Variants in LRCH2 observed in about 807,000 individuals in gnomAD.
LRCH2 encodes the protein leucine rich repeats and calponin homology domain containing 2, also known as leucine-rich repeat and calponin homology domain-containing protein 2.
LRCH2 carries 38 observed loss-of-function variants against 68.9 expected under a neutral mutation model. The ratio of observed to expected loss-of-function variants is 0.55; its 90% CI spans 0.43 to 0.72. LRCH2 has a LOEUF of 0.72. LRCH2 is among the 30% of genes least tolerant of loss of function. The pLI is 0.00. For missense variants in LRCH2, 528 were observed against 572.9 expected, an observed-to-expected ratio of 0.92 and a Z score of 0.80; for synonymous variants, 191 against 208.1, an observed-to-expected ratio of 0.92 and a Z score of 0.71.
intron 1 of LRCH2, among the ~76,000 whole-genome samples, chrX:115,222,997 A>G (rs1164227306): frequency 8.9e-6 from 1 of 112,309 alleles, no homozygotes; most frequent in Non-Finnish European, 1.9e-5. Context: ...ATATAGATCA[A>G]TGAAATACAA....
chrX:115,198,688 A>T (rs957518927), intron 1 of LRCH2: 9 of 143,824 alleles, frequency 6.3e-5, no homozygotes, highest in Admixed American at 3.8e-4. Flanking sequence ...ACCAAGAGGA[A>T]GCGGGAGGAG....
intron 20 of LRCH2, among the ~76,000 whole-genome samples, chrX:115,119,717 T>C (rs2072119048): frequency 1.2e-5 from 1 of 80,661 alleles, no homozygotes; most frequent in South Asian, 8.2e-4. Flanking sequence ...GCCAAGTCAA[T>C]CCTAAGCCAA....
At chrX:115,133,215 C>T (rs998951627) in intron 14 of LRCH2, among the ~76,000 whole-genome samples, 2 of 112,119 alleles carry the variant, frequency 1.8e-5, no homozygotes, top group African/African-American at 6.5e-5. Flanking sequence ...CAAGTTTAAA[C>T]GACTGTGCTG....
At chrX:115,115,169 C>T (rs1183744725) in intron 20 of LRCH2, among the ~76,000 whole-genome samples, 3 of 110,063 alleles carry the variant, frequency 2.7e-5, no homozygotes, top group African/African-American at 9.8e-5. Context: ...CAGCAAAATC[C>T]CAAGTGGCTT....
intron 1 of LRCH2, chrX:115,190,811 A>C: frequency 8.6e-7 from 1 of 1,156,249 alleles, no homozygotes; most frequent in South Asian, 1.9e-5. Flanking sequence ...GGGGGCCATG[A>C]CAGTTCCAGC....
intron 1 of LRCH2, chrX:115,192,150 G>A: frequency 8.6e-7 from 1 of 1,167,273 alleles, no homozygotes; most frequent in Non-Finnish European, 1.1e-6. Context: ...GCTATGGCCG[G>A]AGTGACCATT....
At chrX:115,192,648 A>G in intron 1 of LRCH2, 1 of 1,167,723 alleles carries the variant, frequency 8.6e-7, no homozygotes, top group South Asian at 1.9e-5. Context: ...GATACTAAGC[A>G]GGAACAGACT....
At chrX:115,186,164 C>T (rs1379202142) in intron 2 of LRCH2, among the ~76,000 whole-genome samples, 6 of 110,934 alleles carry the variant, frequency 5.4e-5, no homozygotes, top group African/African-American at 1.6e-4. Context: ...AGTTTGAGAC[C>T]AGCCTGGCCA....
chrX:115,143,240 G>C (rs1420807835), intron 14 of LRCH2, among the ~76,000 whole-genome samples: 1 of 111,671 alleles, frequency 9.0e-6, no homozygotes, highest in Non-Finnish European at 1.9e-5. Context: ...CAAACCTTTA[G>C]TCAGATTAAG....
chrX:115,114,322 T>C (rs1203077052), intron 20 of LRCH2, among the ~76,000 whole-genome samples: 1 of 111,320 alleles, frequency 9.0e-6, no homozygotes, highest in African/African-American at 3.3e-5. Context: ...TTCACTGCTA[T>C]ATTTGTTGCC....
At chrX:115,125,620 TATATATATAC>T (rs1212334878) in intron 16 of LRCH2, among the ~76,000 whole-genome samples, 5 of 83,117 alleles carry the variant, frequency 6.0e-5, no homozygotes. Flanking sequence ...TATATATATG[TATATATATAC>T]ATATATATAC....
At chrX:115,227,915 T>G (rs907750043) in intron 1 of LRCH2, among the ~76,000 whole-genome samples, 1 of 111,579 alleles carries the variant, frequency 9.0e-6, no homozygotes, top group Non-Finnish European at 1.9e-5. Context: ...TAGAAAAGAC[T>G]ACACAGAATC....
chrX:115,234,087 C>A lies in LRCH2; in HGVS notation c.-46G>T. 8.7e-7 allele frequency: 1 copy of A among 1,147,844 alleles called. No individual in the cohort carries two copies. The highest frequency in any genetic ancestry group is 1.2e-6 in the Non-Finnish European group (1 of 861,862). The allele number at this position is 1,147,844 out of a possible 1,213,427, so 94.6% of individuals were successfully genotyped here. A position where few individuals can be genotyped will look rare whatever the true frequency, so the allele number is the denominator to read the frequency against. ...CCCCCGACAATACTGTCAGCCTGTG[C>A]CGCGAGTGTAAGGGGTTCTTAGGAC... On this transcript the variant is annotated 5_prime_UTR_variant, in exon 1 of 21. Transcript: ENST00000317135.
chrX:115,115,523 G>A (rs781995996), intron 20 of LRCH2, among the ~76,000 whole-genome samples: 2 of 110,464 alleles, frequency 1.8e-5, no homozygotes, highest in African/African-American at 3.3e-5. Flanking sequence ...ATTTGGATCC[G>A]TACCTCATAC....
At chrX:115,148,889 A>G (rs2072409853) in intron 14 of LRCH2, among the ~76,000 whole-genome samples, 1 of 111,772 alleles carries the variant, frequency 8.9e-6, no homozygotes, top group Admixed American at 9.6e-5. Context: ...TAGTCATGAT[A>G]CTATTTCCAA....
chrX:115,227,003 A>C (rs2073123262), intron 1 of LRCH2, among the ~76,000 whole-genome samples: 1 of 111,297 alleles, frequency 9.0e-6, no homozygotes, highest in Non-Finnish European at 1.9e-5. Context: ...CAACCTTGGC[A>C]CCATGGACAT....
rs782626261 is a variant in LRCH2, at chrX:115,191,158, A to G, written c.350-2788T>C. ...TGGGGGCTGCTCTGCCGACGCCTAC[A>G]GTGGGGGCCACGACAGTTCCAGCCA... On this transcript the variant is annotated intron_variant, in intron 1 of 20. Transcript: ENST00000317135. 8 of 1,165,433 alleles carry G rather than the reference A, an allele frequency of 6.9e-6. No homozygotes were observed. The highest frequency in any genetic ancestry group is 9.2e-6 in the Non-Finnish European group (8 of 872,565).
intron 1 of LRCH2, among the ~76,000 whole-genome samples, chrX:115,210,539 T>C (rs2072999732): frequency 8.9e-6 from 1 of 112,173 alleles, no homozygotes; most frequent in Non-Finnish European, 1.9e-5. Flanking sequence ...AGGGACCTCA[T>C]GGACAACCTG....
Position 115,170,691 on chromosome X carries a change from G to C in LRCH2, c.865-259C>G, listed in dbSNP as rs782758748. On this transcript the variant is annotated intron_variant, in intron 5 of 20. Coordinates refer to ENST00000317135, the MANE Select transcript of LRCH2 (RefSeq NM_020871.4). ...TTTCACTAGAGTTTTCTTGTCAAAA[G>C]CAGAATGTACAAACTATTAAACAAT... is the stretch of plus-strand genomic sequence containing the variant. Among the ~76,000 whole-genome samples, 7 of 111,535 alleles carry C rather than the reference G, an allele frequency of 6.3e-5. No homozygotes were observed. The South Asian group carries it at 2.6e-3, about 42-fold the overall frequency.
Sources: gnomAD v4.1 joint callset for allele counts (sites outside exome capture counted in the v4.1 genomes callset) on GRCh38, gnomAD v4.1.1 for gene constraint, MANE v1.5 for transcripts, NCBI Gene and HGNC (gene_info 2026-07-23, HGNC 2026-07-21) for gene names.